Variants in MCM4 observed in about 807,000 individuals in gnomAD.
The protein encoded by MCM4 is DNA replication licensing factor MCM4.
MCM4 carries 60 observed loss-of-function variants against 88.7 expected under a neutral mutation model. The ratio of observed to expected loss-of-function variants is 0.68; its 90% CI spans 0.55 to 0.84. The LOEUF (loss-of-function observed/expected upper bound fraction) is 0.84, where lower values mean the gene tolerates loss of function less well. MCM4 is among the 40% of genes least tolerant of loss of function. The probability of loss-of-function intolerance (pLI) is 0.00; values close to 1 mark genes in which losing one functional copy is unlikely to be tolerated. For missense variants in MCM4, 1,149 were observed against 1,105.5 expected, an observed-to-expected ratio of 1.04 and a Z score of -0.56; for synonymous variants, 465 against 410.5, an observed-to-expected ratio of 1.13 and a Z score of -1.61.
chr8:47,962,473 T>A (rs2090853341), intron 5 of MCM4, 67 bp downstream of exon 5: 4 of 1,489,928 alleles, frequency 2.7e-6, no homozygotes, highest in Non-Finnish European at 3.7e-6. Flanking sequence ...GTTTATAATC[T>A]ATATCTAAGT....
intron 10 of MCM4, among the ~76,000 whole-genome samples, chr8:47,968,673 A>T (rs528323983): frequency 6.6e-6 from 1 of 152,330 alleles, no homozygotes; most frequent in African/African-American, 2.4e-5. Context: ...GAATGTGTGT[A>T]AACTGGTTTG....
chr8:47,975,980 G>A (rs2090997523), intron 16 of MCM4, 132 bp downstream of exon 16: 1 of 718,018 alleles, frequency 1.4e-6, no homozygotes. Context: ...TGAACCATAA[G>A]CCATCATCAA....
At chr8:47,965,900 C>T (rs2090893865) in intron 8 of MCM4, among the ~76,000 whole-genome samples, 1 of 152,092 alleles carries the variant, frequency 6.6e-6, no homozygotes, top group African/African-American at 2.4e-5. Context: ...TTTCCTGACA[C>T]AGCAGGGTGT....
Position 47,974,727 on chromosome 8 carries a change from A to G in MCM4, c.2137-7A>G. 1 of 1,612,034 alleles carries G rather than the reference A, an allele frequency of 6.2e-7. No individual in the cohort carries two copies. The highest frequency in any genetic ancestry group is 1.1e-5 in the South Asian group (1 of 91,014). Reference sequence around the variant, plus strand: ...TGCTTTTGCTTTTGTTTTTCTACCTACAATAGGCTTATGTAGACATGAGGA... The same window carrying G: ...TGCTTTTGCTTTTGTTTTTCTACCTGCAATAGGCTTATGTAGACATGAGGA... On this transcript the variant is annotated splice_region_variant and splice_polypyrimidine_tract_variant and intron_variant, in intron 14 of 16. Coordinates refer to ENST00000649973, the MANE Select transcript of MCM4 (RefSeq NM_182746.3).
In MCM4 at chr8:47,961,572, A is replaced by T; in HGVS notation, c.127A>T (p.Thr43Ser). Residue 43 changes from threonine (T) to serine (S), a missense_variant, in exon 3 of 17, where the codon ACC (threonine) becomes TCC (serine). Thr to Ser is a moderately conservative substitution (Grantham distance 58, BLOSUM62 1). Around this residue, in one of 3 missense-constraint regions of MCM4, gnomAD observed 906 missense variants for 843.0 expected, o/e 1.07. Coordinates refer to ENST00000649973, the MANE Select transcript of MCM4 (RefSeq NM_182746.3). ...TCAGAGACGTAGAGGCGAGGATTCC[A>T]CCTCCACGGGGGAGTTGCAGCCGAT... is the stretch of plus-strand genomic sequence containing the variant. ...PSQRRRGEDS[T>S]STGELQPMPT... 6.2e-7 allele frequency: 1 copy of T among 1,613,982 alleles called. No homozygotes were observed.
At chr8:47,972,692 G>A (rs983841499) in intron 13 of MCM4, among the ~76,000 whole-genome samples, 165 bp from the exon 14 acceptor site, 1 of 152,086 alleles carries the variant, frequency 6.6e-6, no homozygotes, top group Non-Finnish European at 1.5e-5. Context: ...AAGTAGCTGG[G>A]ATTACAGGCA....
chr8:47,965,723 A>G lies in MCM4; in HGVS notation c.833-464A>G, dbSNP rs758448752. ...CCTGTGTGGATAATAATGACTTTAA[A>G]GTATAGAGGACTTTTTCTCTACCAG... is the stretch of plus-strand genomic sequence containing the variant. On this transcript the variant is annotated intron_variant, in intron 8 of 16. Coordinates refer to ENST00000649973, the MANE Select transcript of MCM4 (RefSeq NM_182746.3). Among the ~76,000 whole-genome samples, 108 of 152,200 alleles carry G rather than the reference A, an allele frequency of 7.1e-4. 1 individual carries two copies. Among genetic ancestry groups the G allele is most frequent in the Non-Finnish European group, 2.8e-4 (19 of 68,034 alleles).
rs2090951265 is a variant in MCM4, at chr8:47,971,274, C to T, written c.1801-67C>T. On this transcript the variant is annotated intron_variant, in intron 12 of 16. Coordinates refer to ENST00000649973, the MANE Select transcript of MCM4 (RefSeq NM_182746.3). ...AATATGGGTTTAGTAGGTGGCCGGG[C>T]GAAGACGGTGCTTGTTAATTGCCAG... 1.4e-5 allele frequency: 22 copies of T among 1,594,944 alleles called. No homozygotes were observed. In the South Asian group the frequency reaches 1.6e-4, roughly 11 times the overall value.
At chr8:47,974,581 G>A (rs1458219358) in intron 14 of MCM4, 153 bp from the exon 15 acceptor site, 4 of 668,980 alleles carry the variant, frequency 6.0e-6, no homozygotes, top group Non-Finnish European at 2.7e-6. Context: ...TGGTCTGTCT[G>A]TGTAGTCTCT....
At chr8:47,966,841 T>C (rs1589830209) in intron 9 of MCM4, among the ~76,000 whole-genome samples, 2 of 152,178 alleles carry the variant, frequency 1.3e-5, no homozygotes, top group African/African-American at 2.4e-5. Context: ...CAGAAAAAAG[T>C]GAGGGGAAGG....
rs756797584 is a variant in MCM4, at chr8:47,973,059, A to G, written c.2131A>G (p.Ile711Val). 6.2e-7 allele frequency: 1 copy of G among 1,612,966 alleles called. No individual in the cohort carries two copies. The highest frequency in any genetic ancestry group is 8.5e-7 in the Non-Finnish European group (1 of 1,179,888). ...AAGTGAGGAAGCCAGCCAGGCTCTC[A>G]TCGAGGTAACCCTGCTGAAAAAAGG... ...RLSEEASQAL[I>V]EAYVDMRKIG... The change falls in exon 14 of 17, where the codon ATC becomes GTC. Residue 711 changes from isoleucine (I) to valine (V), a missense_variant. Coordinates refer to ENST00000649973, the MANE Select transcript of MCM4 (RefSeq NM_182746.3).
At chr8:47,966,523 C>G in intron 9 of MCM4, 116 bp downstream of exon 9, 1 of 1,060,348 alleles carries the variant, frequency 9.4e-7, no homozygotes, top group Non-Finnish European at 1.3e-6. Context: ...ATCCATCCCT[C>G]TCTGGTCTTG....
At chr8:47,967,033 G>GC (rs1371955763) in intron 9 of MCM4, among the ~76,000 whole-genome samples, 1 of 152,174 alleles carries the variant, frequency 6.6e-6, no homozygotes, top group African/African-American at 2.4e-5. Flanking sequence ...AATCATGCAG[G>GC]CCCCCAAAGT....
In MCM4 at chr8:47,961,202, C is replaced by G. The variant is rs760965938; in HGVS notation, c.58C>G (p.Pro20Ala). 4 of 1,525,324 alleles carry G rather than the reference C, an allele frequency of 2.6e-6. No homozygotes were observed. The highest frequency in any genetic ancestry group is 2.6e-6 in the Non-Finnish European group (3 of 1,144,936). The allele number at this position is 1,525,324 out of a possible 1,614,324, so 94.5% of individuals were successfully genotyped here. The change falls in exon 2 of 17, where the codon CCC becomes GCC. Residue 20 changes from proline to alanine, a missense_variant. By Grantham distance (27) the Pro-to-Ala change is conservative (BLOSUM62 -1). Transcript: ENST00000649973. Reference sequence around the variant, plus strand: ...CGGCAGCCGGCGTGGAAGGGCCACCCCCGCCCAGACGCGTGAGTCCCCCGA... The same window carrying G: ...CGGCAGCCGGCGTGGAAGGGCCACCGCCGCCCAGACGCGTGAGTCCCCCGA... Reference protein sequence around the residue: ...RRGSRRGRATPAQTPRSEDAR... With the variant: ...RRGSRRGRATAAQTPRSEDAR...
intron 7 of MCM4, among the ~76,000 whole-genome samples, chr8:47,964,087 G>A (rs2090874622): frequency 6.6e-6 from 1 of 152,150 alleles, no homozygotes; most frequent in Admixed American, 6.6e-5. Flanking sequence ...GTCAGGCGTG[G>A]TGGCAAATGC....
chr8:47,963,118 G>A (rs1024558461), intron 7 of MCM4, 78 bp downstream of exon 7: 32 of 862,670 alleles, frequency 3.7e-5, no homozygotes, highest in Non-Finnish European at 5.7e-5. Flanking sequence ...AAATTCTTCA[G>A]TAATGAAGAT....
rs17334312 is a variant in MCM4 at position 47,961,757 on chromosome 8, A to G, written c.235+77A>G. On this transcript the variant is annotated intron_variant, in intron 3 of 16. Transcript: ENST00000649973. ...TTATCTGCTCAGGTTTACTGGCTTT[A>G]TAACAGTTGGCATAACGCCTAAAGC... The G allele has an allele frequency of 8.1e-3, 12,261 of 1,510,050 alleles. 60 individuals carry two copies. Among genetic ancestry groups the G allele is most frequent in the Non-Finnish European group, 9.6e-3 (10,798 of 1,121,626 alleles). 93.5% of individuals were successfully genotyped at this position (1,510,050 alleles called of 1,614,324 possible).
chr8:47,974,950 A>C lies in MCM4; in HGVS notation c.2353A>C (p.Ile785Leu). The change falls in exon 15 of 17, where the codon ATT (isoleucine) becomes CTT (leucine). Residue 785 changes from isoleucine to leucine, a missense_variant. Coordinates refer to ENST00000649973, the MANE Select transcript of MCM4 (RefSeq NM_182746.3). ...DPRTGIVDIS[I>L]LTTGMSATSR... is the part of the protein sequence containing the mutation. ...CCGGACTGGCATCGTGGACATATCT[A>C]TTCTTACTACGGGTTCGTTATTTTC... is the stretch of plus-strand genomic sequence containing the variant. 6.2e-7 allele frequency: 1 copy of C among 1,612,206 alleles called. No homozygotes were observed. Among genetic ancestry groups the C allele is most frequent in the Non-Finnish European group, 8.5e-7 (1 of 1,178,776 alleles).
Position 47,970,883 on chromosome 8 carries a change from C to T in MCM4, c.1800+7C>T, listed in dbSNP as rs755007282. 30 of 1,576,612 alleles carry T rather than the reference C, an allele frequency of 1.9e-5. No homozygotes were observed. The South Asian group carries it at 2.2e-4, about 12-fold the overall frequency. The stretch of plus-strand genomic sequence containing the variant: ...GACTCTGTCCATTGCAAAGGTGAGT[C>T]GCCTTCTCCACCGTGAACATGGACG... On this transcript the variant is annotated splice_region_variant and intron_variant, in intron 12 of 16. Coordinates refer to ENST00000649973, the MANE Select transcript of MCM4 (RefSeq NM_182746.3).
Sources: gnomAD v4.1 joint callset for allele counts (sites outside exome capture counted in the v4.1 genomes callset) on GRCh38, gnomAD v4.1.1 for gene constraint, gnomAD v4.1.1 regional missense constraint, MANE v1.5 for transcripts, NCBI Gene and HGNC (gene_info 2026-07-23, HGNC 2026-07-21) for gene names.